The following MSRB3 variants were observed in gnomAD, a reference collection of about 807,000 sequenced individuals.
MSRB3 encodes methionine-R-sulfoxide reductase B3.
A neutral mutation model predicts 21.0 loss-of-function variants in MSRB3; 13 were observed. That is an observed-to-expected ratio of 0.62 (90% CI 0.40 to 0.98). The LOEUF is 0.98. Among genes scored for constraint, MSRB3 ranks in the 50% least tolerant of loss-of-function variants. MSRB3 has a pLI of 0.00. For missense variants in MSRB3, 199 were observed against 230.3 expected (o/e 0.86, Z 0.88); for synonymous variants, 87 against 88.6 (o/e 0.98, Z 0.10).
At chr12:65,353,464 C>G (rs1246129663) in intron 4 of MSRB3, among the ~76,000 whole-genome samples, 1 of 152,138 alleles carries the variant, frequency 6.6e-6, no homozygotes, top group African/African-American at 2.4e-5. Flanking sequence ...GAATTGATCC[C>G]TTTACCATTA....
At chr12:65,408,192 T>G (rs1026960869) in intron 5 of MSRB3, among the ~76,000 whole-genome samples, 2 of 152,134 alleles carry the variant, frequency 1.3e-5, no homozygotes, top group African/African-American at 4.8e-5. Context: ...CCTCCCCGGT[T>G]GAAGCAATTC....
chr12:65,369,514 G>C (rs1190921479), intron 5 of MSRB3, among the ~76,000 whole-genome samples: 1 of 151,966 alleles, frequency 6.6e-6, no homozygotes, highest in Non-Finnish European at 1.5e-5. Flanking sequence ...GAAAATGAAG[G>C]TCACCTTAAG....
chr12:65,350,341 T>C (rs566108841), intron 4 of MSRB3, among the ~76,000 whole-genome samples: 4 of 151,886 alleles, frequency 2.6e-5, no homozygotes, highest in African/African-American at 4.8e-5. Context: ...AGTCAGGTAG[T>C]GTGATGCCTC....
chr12:65,300,162 T>G (rs779327795), intron 1 of MSRB3, among the ~76,000 whole-genome samples: 1 of 152,182 alleles, frequency 6.6e-6, no homozygotes, highest in Non-Finnish European at 1.5e-5. Context: ...CAATAAACTT[T>G]CAATTGCTTC....
intron 4 of MSRB3, among the ~76,000 whole-genome samples, chr12:65,355,181 A>G (rs897862813): frequency 1.3e-5 from 2 of 151,782 alleles, no homozygotes; most frequent in African/African-American, 4.8e-5. Context: ...ATTTTTTTAG[A>G]TTAATAATTG....
At chr12:65,371,134 T>C (rs1331651266) in intron 5 of MSRB3, among the ~76,000 whole-genome samples, 1 of 152,118 alleles carries the variant, frequency 6.6e-6, no homozygotes, top group Non-Finnish European at 1.5e-5. Flanking sequence ...GAGACCATCC[T>C]GGCTAACATG....
chr12:65,400,063 C>CT (rs1592600977), intron 5 of MSRB3, among the ~76,000 whole-genome samples: 1 of 152,128 alleles, frequency 6.6e-6, no homozygotes, highest in East Asian at 1.9e-4. Flanking sequence ...CTGAAATTTT[C>CT]TTTTTTTGTT....
chr12:65,293,273 C>T (rs149277752), intron 1 of MSRB3, among the ~76,000 whole-genome samples: 42 of 152,236 alleles, frequency 2.8e-4, no homozygotes, highest in Admixed American at 1.5e-3. Context: ...GTTCTTACAC[C>T]GCTCCCATCC....
intron 2 of MSRB3, among the ~76,000 whole-genome samples, chr12:65,318,980 G>A (rs1355316462): frequency 6.6e-6 from 1 of 152,110 alleles, no homozygotes; most frequent in Non-Finnish European, 1.5e-5. Flanking sequence ...ATTAATGAAT[G>A]TTTCATCAGG....
chr12:65,434,006 G>A (rs1882005288), intron 5 of MSRB3, among the ~76,000 whole-genome samples: 5 of 151,904 alleles, frequency 3.3e-5, no homozygotes, highest in Admixed American at 3.3e-4. Context: ...TGCACTTTGA[G>A]GTGCTTACTT....
chr12:65,316,872 T>A (rs61921473), intron 2 of MSRB3, among the ~76,000 whole-genome samples: 34,449 of 151,900 alleles, frequency 0.23, 4,516 homozygotes, highest in Admixed American at 0.34. Flanking sequence ...TTTCAAGCAA[T>A]GACAGTTCTT....
At chr12:65,373,745 G>A (rs952928088) in intron 5 of MSRB3, among the ~76,000 whole-genome samples, 4 of 152,148 alleles carry the variant, frequency 2.6e-5, no homozygotes, top group African/African-American at 2.4e-5. Context: ...ATAAAGCCGA[G>A]AGTGTAGAAG....
chr12:65,300,696 T>C (rs980886433), intron 1 of MSRB3, among the ~76,000 whole-genome samples: 1 of 152,182 alleles, frequency 6.6e-6, no homozygotes, highest in Non-Finnish European at 1.5e-5. Context: ...GAAGGTTTAG[T>C]TCTTCTTTGT....
At chr12:65,453,505 C>A in intron 5 of MSRB3, among the ~76,000 whole-genome samples, 1 of 152,110 alleles carries the variant, frequency 6.6e-6, no homozygotes, top group Non-Finnish European at 1.5e-5. Flanking sequence ...AGCACCAAAC[C>A]CTAATGCAAC....
intron 4 of MSRB3, among the ~76,000 whole-genome samples, chr12:65,330,577 T>G (rs1875346867): frequency 6.6e-6 from 1 of 152,150 alleles, no homozygotes; most frequent in Non-Finnish European, 1.5e-5. Flanking sequence ...TGTGGTTGGC[T>G]GCGTCTTCCT....
At chr12:65,433,722 T>C (rs553054972) in intron 5 of MSRB3, among the ~76,000 whole-genome samples, 5 of 152,080 alleles carry the variant, frequency 3.3e-5, no homozygotes, top group African/African-American at 1.2e-4. Context: ...TCATTTAGTT[T>C]CTGCTTAGGG....
intron 5 of MSRB3, among the ~76,000 whole-genome samples, chr12:65,382,333 A>C (rs1007786757): frequency 2.9e-5 from 4 of 138,470 alleles, no homozygotes; most frequent in African/African-American, 7.8e-5. Context: ...CCAGTCAATC[A>C]AAAATAGACT....
chr12:65,286,189 T>C (rs550248985), intron 1 of MSRB3: 2 of 152,346 alleles, frequency 1.3e-5, no homozygotes, highest in South Asian at 4.1e-4. Flanking sequence ...ATTTCTTGCT[T>C]TATGGATACT....
intron 1 of MSRB3, among the ~76,000 whole-genome samples, chr12:65,288,303 C>G (rs1216193264): frequency 6.7e-6 from 1 of 148,594 alleles, no homozygotes; most frequent in African/African-American, 2.5e-5. Context: ...CCCCGTCCCC[C>G]CCGCAAAAAA....
Sources: allele counts gnomAD v4.1 joint callset (sites outside exome capture counted in the v4.1 genomes callset), GRCh38; gene constraint gnomAD v4.1.1; transcripts MANE v1.5; gene names NCBI Gene and HGNC (gene_info 2026-07-23, HGNC 2026-07-21).